The following IRF9 variants were observed in gnomAD, a reference collection of about 807,000 sequenced individuals.
IRF9 encodes the protein interferon regulatory factor 9.
A neutral mutation model predicts 44.1 loss-of-function variants in IRF9; 13 were observed. That is an observed-to-expected ratio of 0.29 (90% CI 0.19 to 0.47). The LOEUF is 0.47. Ranked by LOEUF, IRF9 falls within the 20% of genes least tolerant of loss-of-function variation. The pLI is 1.00. For missense variants in IRF9, 373 were observed against 496.1 expected (o/e 0.75, Z 2.36); for synonymous variants, 189 against 188.5 (o/e 1.00, Z -0.02).
chr14:24,163,644 C>A, intron 4 of IRF9, 136 bp downstream of exon 4: 1 of 1,061,376 alleles, frequency 9.4e-7, no homozygotes, highest in Non-Finnish European at 1.4e-6. Flanking sequence ...CGAAACCAGC[C>A]TCGACCAACA....
At position 24,163,907 on chromosome 14, in the gene IRF9, C is replaced by G. The variant is rs1436709495; in HGVS notation, c.525C>G (p.Val175=). 6.2e-7 allele frequency: 1 copy of G among 1,600,534 alleles called. No homozygotes were observed. The change falls in exon 5 of 9, where the codon GTC becomes GTG. Residue 175 remains valine (V), a synonymous_variant. Coordinates refer to ENST00000396864, the MANE Select transcript of IRF9 (RefSeq NM_006084.5). ...AGGAGGGGGCCAGTGGGGGAGCAGT[C>G]CATTCAGACATTGGGAGCAGCAGCA... The part of the protein sequence containing the change: ...NEEEGASGGA[V]HSDIGSSSSS...
At chr14:24,161,885 T>G (rs1566619368) in intron 1 of IRF9, among the ~76,000 whole-genome samples, 1 of 152,232 alleles carries the variant, frequency 6.6e-6, no homozygotes, top group Non-Finnish European at 1.5e-5. Flanking sequence ...CAAGGTTTCC[T>G]TCCAGGTATC....
rs2038500678 is a variant in IRF9 at position 24,164,666 on chromosome 14, C to G, written c.702C>G (p.Ala234=). 6.2e-7 allele frequency: 1 copy of G among 1,613,284 alleles called. No homozygotes were observed. Among genetic ancestry groups the G allele is most frequent in the Non-Finnish European group, 8.5e-7 (1 of 1,179,482 alleles). ...FIYNGRVVGE[A]QVQSLDCRLV... ...ACAACGGGCGCGTGGTGGGCGAGGCCCAGGTGCAAAGCCTGGATTGCCGCC... is the reference window on the plus strand; with the variant it reads ...ACAACGGGCGCGTGGTGGGCGAGGCGCAGGTGCAAAGCCTGGATTGCCGCC... The change falls in exon 7 of 9, where the codon GCC becomes GCG. Residue 234 remains alanine, a synonymous_variant. Transcript: ENST00000396864. The surrounding 1 kb of genome is among the most constrained non-coding windows in gnomAD (Gnocchi z 5.2).
At position 24,164,557 on chromosome 14, in the gene IRF9, G is replaced by T; in HGVS notation, c.650-57G>T. 1 of 1,497,204 alleles carries T rather than the reference G, an allele frequency of 6.7e-7. No homozygotes were observed. Among genetic ancestry groups the T allele is most frequent in the Non-Finnish European group, 9.0e-7 (1 of 1,105,674 alleles). The allele number at this position is 1,497,204 out of a possible 1,614,324, so 92.7% of individuals were successfully genotyped here. A position where few individuals can be genotyped will look rare whatever the true frequency, so the allele number is the denominator to read the frequency against. On this transcript the variant is annotated intron_variant, in intron 6 of 8. Coordinates refer to ENST00000396864, the MANE Select transcript of IRF9 (RefSeq NM_006084.5). This position sits in a 1 kb window ranked among gnomAD's most constrained non-coding sequence, Gnocchi z 5.2. ...GAGGTGGAGTTGTTCCCCTGGGGAG[G>T]GGCTGCTGCCAGCCTGCATGCTCCT...
At chr14:24,162,011 G>T in intron 1 of IRF9, 133 bp from the exon 2 acceptor site, 1 of 807,496 alleles carries the variant, frequency 1.2e-6, no homozygotes, top group Non-Finnish European at 2.0e-6. Flanking sequence ...GTTGAAATGT[G>T]TTTGGAGCTA....
At chr14:24,162,797 CAA>C (rs373571727) in intron 2 of IRF9, 167 bp from the exon 3 acceptor site, 16,748 of 429,816 alleles carry the variant, frequency 0.039, no homozygotes, top group South Asian at 0.052. Flanking sequence ...GACTCTGTCT[CAA>C]AAAAAAAAAA....
intron 7 of IRF9, chr14:24,165,471 G>C (rs899585166): frequency 1.8e-6 from 1 of 548,144 alleles, no homozygotes; most frequent in African/African-American, 1.9e-5. Flanking sequence ...GTGTACAGGG[G>C]GTGCAGAGTG....
chr14:24,165,451 G>A (rs2038511462), intron 7 of IRF9: 1 of 560,614 alleles, frequency 1.8e-6, no homozygotes, highest in East Asian at 3.1e-5. Flanking sequence ...GACCTTAAGA[G>A]TGGGACCAGG....
intron 1 of IRF9, among the ~76,000 whole-genome samples, 200 bp from the exon 2 acceptor site, chr14:24,161,944 G>A (rs990101343): frequency 1.3e-5 from 2 of 152,198 alleles, no homozygotes; most frequent in African/African-American, 4.8e-5. Context: ...TGTTGTTGTT[G>A]TTGTTGTTTG....
Position 24,164,222 on chromosome 14 carries a change from G to T in IRF9, c.649+88G>T, listed in dbSNP as rs1359210024. ...TGCATGCATTATCTAGTCAGTCAGG[G>T]CTTACAGCAAACTGTACCCACATTA... On this transcript the variant is annotated intron_variant, in intron 6 of 8. Coordinates refer to ENST00000396864, the MANE Select transcript of IRF9 (RefSeq NM_006084.5). This position sits in a 1 kb window ranked among gnomAD's most constrained non-coding sequence, Gnocchi z 5.2. 9 of 1,140,508 alleles carry T rather than the reference G, an allele frequency of 7.9e-6. No individual in the cohort carries two copies. In the East Asian group the frequency reaches 1.9e-4, roughly 24 times the overall value. 70.6% of individuals were successfully genotyped at this position (1,140,508 alleles called of 1,614,324 possible). A position where few individuals can be genotyped will look rare whatever the true frequency, so the allele number is the denominator to read the frequency against.
chr14:24,166,093 G>A, intron 8 of IRF9, 29 bp from the exon 9 acceptor site: 1 of 1,610,684 alleles, frequency 6.2e-7, no homozygotes, highest in Non-Finnish European at 8.5e-7. Flanking sequence ...CACGCACTGA[G>A]ATGCTCTTCT....
At position 24,162,244 on chromosome 14, in the gene IRF9, G is replaced by A; in HGVS notation, c.100G>A (p.Ala34Thr). ...TCCCGGAGTGTGCTGGGATGATACA[G>A]CTAAGACCATGTTCCGGATTCCCTG... ...QFPGVCWDDT[A>T]KTMFRIPWKH... The change falls in exon 2 of 9, where the codon GCT becomes ACT. Residue 34 changes from alanine (A) to threonine (T), a missense_variant. Coordinates refer to ENST00000396864, the MANE Select transcript of IRF9 (RefSeq NM_006084.5). 6.2e-7 allele frequency: 1 copy of A among 1,614,186 alleles called. No individual in the cohort carries two copies.
At position 24,164,173 on chromosome 14, in the gene IRF9, C is replaced by T. The variant is rs764295378; in HGVS notation, c.649+39C>T. ...CTGACTTTCTCCTGTGCCCTGTGCC[C>T]CTGAGGTCTTCCACCTTTGACTATG... On this transcript the variant is annotated intron_variant, in intron 6 of 8. Coordinates refer to ENST00000396864, the MANE Select transcript of IRF9 (RefSeq NM_006084.5). The surrounding 1 kb of genome is among the most constrained non-coding windows in gnomAD (Gnocchi z 5.2). The T allele has an allele frequency of 2.6e-6, 4 of 1,560,740 alleles. No homozygotes were observed. The highest frequency in any genetic ancestry group is 3.5e-6 in the Non-Finnish European group (4 of 1,131,616).
In IRF9 at chr14:24,163,267, C is replaced by T. The variant is rs2038482439; in HGVS notation, c.365-111C>T. ...TGTCCATGCCCTTGGGGGGCTGCAA[C>T]CCAGGTTTCCCTTCCTAGACCTGCC... On this transcript the variant is annotated intron_variant, in intron 3 of 8. Coordinates refer to ENST00000396864, the MANE Select transcript of IRF9 (RefSeq NM_006084.5). The T allele has an allele frequency of 3.2e-6, 5 of 1,540,796 alleles. No individual in the cohort carries two copies. The Admixed American group carries it at 9.1e-5, about 28-fold the overall frequency.
At chr14:24,163,619 G>T (rs3742501) in intron 4 of IRF9, 111 bp downstream of exon 4, 140,697 of 1,310,218 alleles carry the variant, frequency 0.11, 9,183 homozygotes, top group African/African-American at 0.29. Context: ...GGCAGATCAC[G>T]TGAGGTCAGA....
At chr14:24,162,747 C>G in intron 2 of IRF9, 1 of 522,530 alleles carries the variant, frequency 1.9e-6, no homozygotes, top group Admixed American at 3.5e-5. Context: ...TGTAGTGAGT[C>G]GAGATCGCAC....
chr14:24,165,088 G>A, intron 7 of IRF9, 133 bp downstream of exon 7: 1 of 838,846 alleles, frequency 1.2e-6, no homozygotes, highest in Non-Finnish European at 2.0e-6. Flanking sequence ...TGGCACTCCT[G>A]CGCTTGTGTG....
At chr14:24,162,467 G>A in intron 2 of IRF9, 143 bp downstream of exon 2, 1 of 828,146 alleles carries the variant, frequency 1.2e-6, no homozygotes, top group Non-Finnish European at 1.9e-6. Context: ...CATTTGCAGA[G>A]TCCAGTACAA....
intron 7 of IRF9, 47 bp from the exon 8 acceptor site, chr14:24,165,800 C>T: frequency 1.5e-6 from 2 of 1,378,618 alleles, no homozygotes; most frequent in Non-Finnish European, 2.0e-6. Flanking sequence ...GCCTGTGGCC[C>T]TCTCTCTTCT....
Sources: gnomAD v4.1 joint callset for allele counts (sites outside exome capture counted in the v4.1 genomes callset) on GRCh38, gnomAD v4.1.1 for gene constraint, Gnocchi (gnomAD v3.1) non-coding constraint, MANE v1.5 for transcripts, NCBI Gene and HGNC (gene_info 2026-07-23, HGNC 2026-07-21) for gene names.